Variants in ARHGAP15 observed in about 807,000 individuals in gnomAD.
ARHGAP15 encodes the protein Rho GTPase activating protein 15, also known as rho GTPase-activating protein 15.
A neutral mutation model predicts 63.7 loss-of-function variants in ARHGAP15; 51 were observed. That is an observed-to-expected ratio of 0.80 (90% CI 0.64 to 1.01). The LOEUF is 1.01. Ranked by LOEUF, ARHGAP15 falls within the 50% of genes least tolerant of loss-of-function variation. The pLI is 0.00. For synonymous variants in ARHGAP15, 191 were observed against 193.8 expected, an observed-to-expected ratio of 0.99 and a Z score of 0.12; for missense variants, 560 against 564.6, an observed-to-expected ratio of 0.99 and a Z score of 0.08.
chr2:143,445,654 A>G (rs1474338217), intron 8 of ARHGAP15, among the ~76,000 whole-genome samples: 1 of 152,044 alleles, frequency 6.6e-6, no homozygotes, highest in East Asian at 1.9e-4. Context: ...GCTGACTTTT[A>G]CCTTGAAATC....
chr2:143,675,521 TG>T (rs374338779), intron 12 of ARHGAP15, among the ~76,000 whole-genome samples: 94 of 152,282 alleles, frequency 6.2e-4, no homozygotes, highest in African/African-American at 2.1e-3. Context: ...TAATCAGACT[TG>T]AAAGTGAAAA....
intron 11 of ARHGAP15, 89 bp downstream of exon 11, chr2:143,556,574 A>G: frequency 1.1e-5 from 10 of 900,574 alleles, no homozygotes; most frequent in Non-Finnish European, 1.5e-5. Flanking sequence ...GTGAATAATA[A>G]TAAAACTTTA....
At chr2:143,449,904 C>T (rs946306591) in intron 8 of ARHGAP15, among the ~76,000 whole-genome samples, 1 of 151,646 alleles carries the variant, frequency 6.6e-6, no homozygotes, top group Non-Finnish European at 1.5e-5. Context: ...AAATTTGCCC[C>T]TAAAATGTCC....
chr2:143,568,818 G>A (rs879304672), intron 11 of ARHGAP15, among the ~76,000 whole-genome samples: 5 of 152,188 alleles, frequency 3.3e-5, no homozygotes, highest in Non-Finnish European at 7.3e-5. Flanking sequence ...ATACACCATG[G>A]AATACTATGC....
intron 12 of ARHGAP15, among the ~76,000 whole-genome samples, chr2:143,664,707 T>C (rs1644106223): frequency 6.6e-6 from 1 of 151,902 alleles, no homozygotes; most frequent in Admixed American, 6.6e-5. Context: ...AAGAATCAAA[T>C]AGACACAATA....
intron 11 of ARHGAP15, among the ~76,000 whole-genome samples, chr2:143,559,407 C>T (rs1034680683): frequency 6.6e-6 from 1 of 152,188 alleles, no homozygotes; most frequent in African/African-American, 2.4e-5. Context: ...GAGTTGGTAT[C>T]TGGTAGCACA....
intron 13 of ARHGAP15, among the ~76,000 whole-genome samples, chr2:143,721,017 G>C (rs1246442390): frequency 7.2e-6 from 1 of 139,204 alleles, no homozygotes. Context: ...AGTGAGCCGA[G>C]AGCCACTGCG....
chr2:143,380,601 C>T (rs1687018702), intron 6 of ARHGAP15, among the ~76,000 whole-genome samples: 1 of 152,098 alleles, frequency 6.6e-6, no homozygotes. Context: ...TGATCCAAGG[C>T]TGTTGATGCC....
chr2:143,323,750 T>G (rs12623224), intron 6 of ARHGAP15, among the ~76,000 whole-genome samples: 95,152 of 151,366 alleles, frequency 0.63, 31,297 homozygotes, highest in African/African-American at 0.83. Context: ...AGCCGGGCGT[T>G]GTGGCGGACA....
At chr2:143,648,363 A>C (rs1295601381) in intron 12 of ARHGAP15, among the ~76,000 whole-genome samples, 1 of 152,060 alleles carries the variant, frequency 6.6e-6, no homozygotes, top group Non-Finnish European at 1.5e-5. Context: ...AGTATTAGGC[A>C]GATCTAAGTG....
intron 13 of ARHGAP15, among the ~76,000 whole-genome samples, chr2:143,707,448 G>A (rs1684380724): frequency 6.6e-6 from 1 of 152,160 alleles, no homozygotes. Flanking sequence ...ACAGACATGG[G>A]AAAGAAGATG....
At chr2:143,688,245 A>G (rs1683437613) in intron 12 of ARHGAP15, among the ~76,000 whole-genome samples, 1 of 152,182 alleles carries the variant, frequency 6.6e-6, no homozygotes, top group South Asian at 2.1e-4. Flanking sequence ...CAGGTTTACC[A>G]AGTATTCCTA....
intron 6 of ARHGAP15, among the ~76,000 whole-genome samples, chr2:143,368,967 A>G (rs1686420488): frequency 6.6e-6 from 1 of 152,150 alleles, no homozygotes; most frequent in South Asian, 2.1e-4. Flanking sequence ...AACAGAGAAA[A>G]TAAAAATAAC....
intron 12 of ARHGAP15, among the ~76,000 whole-genome samples, chr2:143,650,596 G>A (rs1681113676): frequency 6.6e-6 from 1 of 151,930 alleles, no homozygotes; most frequent in African/African-American, 2.4e-5. Context: ...TAGGAGCAGA[G>A]CCAAATGAAG....
At chr2:143,573,703 A>T (rs1349142396) in intron 11 of ARHGAP15, among the ~76,000 whole-genome samples, 1 of 152,170 alleles carries the variant, frequency 6.6e-6, no homozygotes, top group Non-Finnish European at 1.5e-5. Context: ...TATTTTCCAT[A>T]TGTGCACAAT....
chr2:143,320,412 C>CCT (rs201423176), intron 6 of ARHGAP15, among the ~76,000 whole-genome samples: 1 of 50,958 alleles, frequency 2.0e-5, no homozygotes, highest in Admixed American at 2.6e-4. Context: ...TTCCCCACCC[C>CCT]CCCCCCCCCC....
intron 5 of ARHGAP15, among the ~76,000 whole-genome samples, chr2:143,239,420 G>T (rs561006017): frequency 3.6e-4 from 54 of 152,090 alleles, no homozygotes; most frequent in African/African-American, 1.2e-3. Flanking sequence ...ATAGAATTTT[G>T]TACTCTTTGA....
chr2:143,731,635 T>A (rs1258286350), intron 13 of ARHGAP15, among the ~76,000 whole-genome samples: 1 of 152,220 alleles, frequency 6.6e-6, no homozygotes, highest in African/African-American at 2.4e-5. Flanking sequence ...CTGCAGAGAC[T>A]TTTCCATACT....
intron 1 of ARHGAP15, among the ~76,000 whole-genome samples, chr2:143,138,629 C>CT (rs1689240424): frequency 2.0e-5 from 3 of 152,184 alleles, no homozygotes; most frequent in Admixed American, 2.0e-4. Flanking sequence ...TCCTCTTTCT[C>CT]TTTTTCTGGT....
Sources: gnomAD v4.1 joint callset for allele counts (sites outside exome capture counted in the v4.1 genomes callset) on GRCh38, gnomAD v4.1.1 for gene constraint, MANE v1.5 for transcripts, NCBI Gene and HGNC (gene_info 2026-07-23, HGNC 2026-07-21) for gene names.